RAD51: variants seen among roughly 807,000 people sequenced by gnomAD.
RAD51 encodes RAD51 recombinase, also known as DNA repair protein RAD51 homolog 1.
A neutral mutation model predicts 41.5 loss-of-function variants in RAD51; 14 were observed. That is an observed-to-expected ratio of 0.34 (90% CI 0.22 to 0.53). The LOEUF is 0.53. Ranked by LOEUF, RAD51 falls within the 20% of genes least tolerant of loss-of-function variation. RAD51 has a pLI of 0.95. For missense variants in RAD51, 234 were observed against 422.0 expected (o/e 0.55, Z 3.90); for synonymous variants, 136 against 148.6 (o/e 0.92, Z 0.62).
intron 7 of RAD51, among the ~76,000 whole-genome samples, chr15:40,729,234 G>A (rs913760694): frequency 5.3e-5 from 8 of 151,936 alleles, no homozygotes; most frequent in Non-Finnish European, 2.9e-5. Flanking sequence ...TTAGCTGGGT[G>A]TGGTGGCGGG....
chr15:40,711,998 G>A (rs1401505846), intron 5 of RAD51, among the ~76,000 whole-genome samples: 4 of 151,742 alleles, frequency 2.6e-5, no homozygotes, highest in African/African-American at 4.8e-5. Flanking sequence ...CTTGAGCCCA[G>A]GAGGCCAAGG....
chr15:40,714,879 T>A (rs533788998), intron 5 of RAD51, among the ~76,000 whole-genome samples: 16 of 152,312 alleles, frequency 1.1e-4, no homozygotes, highest in African/African-American at 3.8e-4. Context: ...ACTGCAGTAG[T>A]TTTAAAATTC....
intron 1 of RAD51, among the ~76,000 whole-genome samples, chr15:40,697,339 G>A (rs1894705454): frequency 6.6e-6 from 1 of 152,060 alleles, no homozygotes; most frequent in Non-Finnish European, 1.5e-5. Flanking sequence ...CCTGAACTTA[G>A]GTGATCTGCC....
intron 5 of RAD51, among the ~76,000 whole-genome samples, chr15:40,712,877 C>CTTTTT (rs398039433): frequency 2.9e-3 from 298 of 103,834 alleles, no homozygotes; most frequent in Middle Eastern, 6.1e-3. Flanking sequence ...CTTTTCTTTT[C>CTTTTT]TTTTTTTTTT....
rs556497946 is a variant in RAD51, at chr15:40,728,111, C to T, written c.531-600C>T. Among the ~76,000 whole-genome samples the T allele has an allele frequency of 2.3e-4, 35 of 152,208 alleles. No homozygotes were observed. The South Asian group carries it at 2.7e-3, about 12-fold the overall frequency. On this transcript the variant is annotated intron_variant, in intron 6 of 9. Transcript: ENST00000267868. ...CTGACATCAGGTGATCCACCTGCCT[C>T]GGCATCCCAAAGTGCTAGGATTACA... is the stretch of plus-strand genomic sequence containing the variant.
At chr15:40,718,736 C>A in intron 5 of RAD51, 69 bp from the exon 6 acceptor site, 2 of 1,322,740 alleles carry the variant, frequency 1.5e-6, no homozygotes, top group South Asian at 1.2e-5. Context: ...ATAAAGATGT[C>A]ATGAGGAGCT....
At chr15:40,703,956 T>G (rs1452019941) in intron 3 of RAD51, among the ~76,000 whole-genome samples, 6 of 152,140 alleles carry the variant, frequency 3.9e-5, no homozygotes, top group Non-Finnish European at 8.8e-5. Flanking sequence ...TACGTTGGAG[T>G]GCAGTGGTGT....
At chr15:40,728,211 C>G (rs893944898) in intron 6 of RAD51, among the ~76,000 whole-genome samples, 4 of 152,110 alleles carry the variant, frequency 2.6e-5, no homozygotes, top group African/African-American at 7.2e-5. Context: ...CGCCTGTAGT[C>G]CCAGTATTTT....
intron 4 of RAD51, among the ~76,000 whole-genome samples, chr15:40,707,343 G>T (rs1384947973): frequency 1.3e-5 from 2 of 150,528 alleles, no homozygotes; most frequent in African/African-American, 4.9e-5. Context: ...GTCTCACTCT[G>T]TTACCCAGGC....
chr15:40,696,767 C>T (rs988022173), intron 1 of RAD51, among the ~76,000 whole-genome samples: 2 of 152,124 alleles, frequency 1.3e-5, no homozygotes, highest in African/African-American at 4.8e-5. Context: ...CTTGCCAACA[C>T]GATATTTTTC....
chr15:40,724,920 T>G (rs1261645130), intron 6 of RAD51, among the ~76,000 whole-genome samples: 1 of 124,858 alleles, frequency 8.0e-6, no homozygotes, highest in Non-Finnish European at 1.6e-5. Flanking sequence ...TGAGACAGAG[T>G]CTCGCTCTGT....
chr15:40,725,367 TTTG>T (rs1422855621), intron 6 of RAD51, among the ~76,000 whole-genome samples: 2 of 152,222 alleles, frequency 1.3e-5, no homozygotes, highest in Non-Finnish European at 2.9e-5. Context: ...ATTTCATTAA[TTTG>T]TTTTAATCAG....
At chr15:40,711,685 G>A (rs1895711828) in intron 5 of RAD51, among the ~76,000 whole-genome samples, 1 of 152,152 alleles carries the variant, frequency 6.6e-6, no homozygotes, top group Admixed American at 6.6e-5. Context: ...AACAGAGGAT[G>A]GGAAGGCATA....
chr15:40,726,923 A>AC (rs1567053643), intron 6 of RAD51, among the ~76,000 whole-genome samples: 1 of 151,436 alleles, frequency 6.6e-6, no homozygotes, highest in African/African-American at 2.4e-5. Context: ...AAAAAAAAAA[A>AC]AAAAAGAGGA....
chr15:40,729,929 A>G lies in RAD51; in HGVS notation c.851A>G (p.Lys284Arg), dbSNP rs754306806. Residue 284 changes from lysine to arginine, a missense_variant, in exon 9 of 10, where the codon AAA (lysine) becomes AGA (arginine). Physicochemically the swap from Lys to Arg is conservative, Grantham distance 26. This residue lies in a region of RAD51 where 134 missense variants were observed against 286.5 expected (regional missense o/e 0.47). Transcript: ENST00000267868. ...DGAAMFAADP[K>R]KPIGGNIIAH... Reference sequence around the variant, plus strand: ...GCAGCGATGTTTGCTGCTGATCCCAAAAAACCTATTGGAGGAAATATCATC... The same window carrying G: ...GCAGCGATGTTTGCTGCTGATCCCAGAAAACCTATTGGAGGAAATATCATC... 1.2e-6 allele frequency: 2 copies of G among 1,614,106 alleles called. No individual in the cohort carries two copies. Among genetic ancestry groups the G allele is most frequent in the East Asian group, 2.2e-5 (1 of 44,904 alleles).
intron 6 of RAD51, among the ~76,000 whole-genome samples, chr15:40,723,505 A>G (rs1256708332): frequency 6.6e-6 from 1 of 152,186 alleles, no homozygotes; most frequent in African/African-American, 2.4e-5. Context: ...AAAAGAACTT[A>G]AGTACTGATA....
rs528132134 is a variant in RAD51 at position 40,728,239 on chromosome 15, G to A, written c.531-472G>A. On this transcript the variant is annotated intron_variant, in intron 6 of 9. Transcript: ENST00000267868. ...AGTATTTTGGGAGGCCAAGGTGGGCGGATTATGAGATCAGGAGGTCAAGAC... is the reference window on the plus strand; with the variant it reads ...AGTATTTTGGGAGGCCAAGGTGGGCAGATTATGAGATCAGGAGGTCAAGAC... 3.0e-4 allele frequency among the ~76,000 whole-genome samples: 45 copies of A among 152,240 alleles called. 1 individual carries two copies. The highest frequency in any genetic ancestry group is 1.0e-3 in the African/African-American group (43 of 41,564).
chr15:40,710,866 C>A (rs1377260288), intron 5 of RAD51, among the ~76,000 whole-genome samples: 1 of 152,146 alleles, frequency 6.6e-6, no homozygotes, highest in African/African-American at 2.4e-5. Flanking sequence ...CTACTCCTTC[C>A]ATTTTCTCTT....
At chr15:40,698,875 A>G in intron 2 of RAD51, 30 bp downstream of exon 2, 2 of 1,588,832 alleles carry the variant, frequency 1.3e-6, no homozygotes, top group Non-Finnish European at 1.7e-6. Context: ...TTTTGGAATT[A>G]TATACTAGAT....
Sources: gnomAD v4.1 joint callset for allele counts (sites outside exome capture counted in the v4.1 genomes callset) on GRCh38, gnomAD v4.1.1 for gene constraint, gnomAD v4.1.1 regional missense constraint, MANE v1.5 for transcripts, NCBI Gene and HGNC (gene_info 2026-07-23, HGNC 2026-07-21) for gene names.